THBS4: variants seen among roughly 807,000 people sequenced by gnomAD.
The protein encoded by THBS4 is thrombospondin-4.
THBS4 carries 90 observed loss-of-function variants against 115.7 expected under a neutral mutation model. The observed-to-expected ratio is 0.78, with a 90% CI of 0.66 to 0.93. The LOEUF is 0.93. THBS4 is among the 40% of genes least tolerant of loss of function. The probability of loss-of-function intolerance (pLI) is 0.00; values close to 1 mark genes in which losing one functional copy is unlikely to be tolerated. For missense variants in THBS4, 1,087 were observed against 1,232.7 expected, an observed-to-expected ratio of 0.88 and a Z score of 1.77; for synonymous variants, 460 against 479.3, an observed-to-expected ratio of 0.96 and a Z score of 0.53.
In THBS4 at chr5:80,035,509, C is replaced by T; in HGVS notation, c.-29C>T. Reference sequence around the variant, plus strand: ...GCGGGGCCAACGCCGCCGTCGCCCCCGGCCTCGCGGGGAGCAGGAAGAGCC... The same window carrying T: ...GCGGGGCCAACGCCGCCGTCGCCCCTGGCCTCGCGGGGAGCAGGAAGAGCC... On this transcript the variant is annotated 5_prime_UTR_variant, in exon 1 of 22. Coordinates refer to ENST00000350881, the MANE Select transcript of THBS4 (RefSeq NM_003248.6). This position sits in a 1 kb window ranked among gnomAD's most constrained non-coding sequence, Gnocchi z 4.6. 1 of 1,311,220 alleles carries T rather than the reference C, an allele frequency of 7.6e-7. No individual in the cohort carries two copies. The highest frequency in any genetic ancestry group is 1.5e-5 in the African/African-American group (1 of 65,310). The allele number at this position is 1,311,220 out of a possible 1,614,324, so 81.2% of individuals were successfully genotyped here.
chr5:80,034,774 G>A (rs147653575), upstream of THBS4, among the ~76,000 whole-genome samples: 1 of 152,264 alleles, frequency 6.6e-6, no homozygotes, highest in African/African-American at 2.4e-5. Context: ...CTTTCACTGT[G>A]TCTCAAAATG....
At chr5:80,002,692 G>C (rs190007018) in intron 2 of THBS4, among the ~76,000 whole-genome samples, 14 of 147,176 alleles carry the variant, frequency 9.5e-5, no homozygotes, top group Admixed American at 6.1e-4. Flanking sequence ...GGTGAGTCCT[G>C]TAATTGGAGA....
intron 2 of THBS4, among the ~76,000 whole-genome samples, chr5:80,015,386 G>A (rs1832226698): frequency 6.6e-6 from 1 of 152,160 alleles, no homozygotes; most frequent in South Asian, 2.1e-4. Context: ...GTCATGGTGG[G>A]AGACCCTCTA....
chr5:79,994,004 C>T (rs1045610014), intron 1 of THBS4, among the ~76,000 whole-genome samples: 17 of 152,168 alleles, frequency 1.1e-4, no homozygotes, highest in African/African-American at 3.6e-4. Context: ...TAGCCATATG[C>T]GCTTGGGCCA....
intron 2 of THBS4, among the ~76,000 whole-genome samples, chr5:80,030,173 G>A (rs1027375514): frequency 5.3e-5 from 8 of 151,898 alleles, no homozygotes; most frequent in African/African-American, 1.7e-4. Context: ...GTCATCACAC[G>A]GTAGAATGTA....
intron 1 of THBS4, chr5:80,036,325 G>A (rs554337397): frequency 2.1e-6 from 1 of 483,148 alleles, no homozygotes; most frequent in East Asian, 1.5e-4. Flanking sequence ...GAGCTAAGCA[G>A]TGGATAGATA....
At chr5:80,023,700 G>T (rs534023410) in intron 2 of THBS4, among the ~76,000 whole-genome samples, 2 of 152,234 alleles carry the variant, frequency 1.3e-5, no homozygotes, top group African/African-American at 4.8e-5. Context: ...GCTTATGATT[G>T]TGGTGGCTGA....
At chr5:80,040,330 C>T (rs1364363780) in intron 2 of THBS4, 50 bp downstream of exon 2, 2 of 1,427,326 alleles carry the variant, frequency 1.4e-6, no homozygotes, top group Admixed American at 1.9e-5. Context: ...TTTTTCTATT[C>T]CAGGATTAGG....
At chr5:80,003,829 G>A (rs975243098) in intron 2 of THBS4, among the ~76,000 whole-genome samples, 3 of 152,110 alleles carry the variant, frequency 2.0e-5, no homozygotes, top group Admixed American at 6.5e-5. Context: ...TATAGCATCT[G>A]GTATTTATCA....
At chr5:80,014,590 G>C (rs1359963854) in intron 2 of THBS4, among the ~76,000 whole-genome samples, 6 of 152,230 alleles carry the variant, frequency 3.9e-5, no homozygotes, top group Non-Finnish European at 8.8e-5. Flanking sequence ...AAGAGAGGGA[G>C]AAAGTGTCTG....
At chr5:80,077,214 A>T (rs567481262) in intron 16 of THBS4, among the ~76,000 whole-genome samples, 166 bp downstream of exon 16, 1 of 152,322 alleles carries the variant, frequency 6.6e-6, no homozygotes, top group Admixed American at 6.5e-5. Flanking sequence ...TGGACAGCAG[A>T]TATCTGGTAG....
chr5:80,017,204 T>C (rs1832268880), intron 2 of THBS4, among the ~76,000 whole-genome samples: 1 of 152,092 alleles, frequency 6.6e-6, no homozygotes, highest in Non-Finnish European at 1.5e-5. Context: ...TTATAATAGG[T>C]ACAAAATAAT....
At chr5:80,025,853 A>G (rs116672470) in intron 2 of THBS4, among the ~76,000 whole-genome samples, 1,856 of 152,230 alleles carry the variant, frequency 0.012, 50 homozygotes, top group African/African-American at 0.042. Context: ...TGTTACATCT[A>G]TTTTCCTTTC....
At chr5:80,001,091 G>A (rs1831889671) in intron 2 of THBS4, among the ~76,000 whole-genome samples, 1 of 152,132 alleles carries the variant, frequency 6.6e-6, no homozygotes, top group African/African-American at 2.4e-5. Context: ...TGATCCATGA[G>A]CATCATCTCT....
chr5:80,041,691 C>T (rs1190784017), intron 2 of THBS4, among the ~76,000 whole-genome samples: 1 of 152,174 alleles, frequency 6.6e-6, no homozygotes, highest in Non-Finnish European at 1.5e-5. Context: ...AAAATGGTCA[C>T]TATTTTTCAT....
At chr5:80,070,179 C>G in intron 10 of THBS4, 127 bp from the exon 11 acceptor site, 1 of 673,494 alleles carries the variant, frequency 1.5e-6, no homozygotes, top group Non-Finnish European at 2.5e-6. Flanking sequence ...TAAGCCCCAC[C>G]CAACAAGGCT....
intron 2 of THBS4, among the ~76,000 whole-genome samples, chr5:80,010,155 A>G (rs1335218524): frequency 6.6e-6 from 1 of 152,220 alleles, no homozygotes; most frequent in South Asian, 2.1e-4. Context: ...CATAATACAC[A>G]ACACCTAGAA....
intron 1 of THBS4, among the ~76,000 whole-genome samples, chr5:80,039,207 C>G (rs941416289): frequency 5.9e-5 from 9 of 152,056 alleles, no homozygotes; most frequent in African/African-American, 2.2e-4. Flanking sequence ...TTTCTGCAGC[C>G]TATGGAATTG....
rs1743360515 is a variant in THBS4 at position 80,079,063 on chromosome 5, G to A, written c.2316G>A (p.Gly772=). 6.2e-7 allele frequency: 1 copy of A among 1,613,212 alleles called. No homozygotes were observed. The highest frequency in any genetic ancestry group is 8.5e-7 in the Non-Finnish European group (1 of 1,179,466). ...TMNSDPGLAV[G]YTAFNGVDFE... ...TCTAATCTTATCTGGTCCCTACAGG[G>A]TACACAGCTTTTAATGGAGTTGACT... Residue 772 remains glycine, a splice_region_variant and synonymous_variant, in exon 19 of 22, where the codon GGG becomes GGA. Transcript: ENST00000350881.
Sources: gnomAD v4.1 joint callset for allele counts (sites outside exome capture counted in the v4.1 genomes callset) on GRCh38, gnomAD v4.1.1 for gene constraint, Gnocchi (gnomAD v3.1) non-coding constraint, MANE v1.5 for transcripts, NCBI Gene and HGNC (gene_info 2026-07-23, HGNC 2026-07-21) for gene names.